MYRIP: variants seen among roughly 807,000 people sequenced by gnomAD.
The protein encoded by MYRIP is myosin VIIA and Rab interacting protein.
A neutral mutation model predicts 98.0 loss-of-function variants in MYRIP; 49 were observed. The ratio of observed to expected loss-of-function variants is 0.50; its 90% CI spans 0.40 to 0.63. MYRIP has a LOEUF of 0.63. Ranked by LOEUF, MYRIP falls within the 30% of genes least tolerant of loss-of-function variation. The pLI, the probability that MYRIP is intolerant of heterozygous loss-of-function variation, is 0.00. For missense variants in MYRIP, 1,004 were observed against 1,058.2 expected (o/e 0.95, Z 0.71); for synonymous variants, 404 against 409.5 (o/e 0.99, Z 0.16).
chr3:39,996,173 C>T (rs1009354258), intron 2 of MYRIP, among the ~76,000 whole-genome samples: 43 of 152,142 alleles, frequency 2.8e-4, no homozygotes, highest in African/African-American at 9.9e-4. Flanking sequence ...ATCAAATTGA[C>T]ACCTAACAAT....
chr3:39,988,538 T>C (rs1946093038), intron 2 of MYRIP, among the ~76,000 whole-genome samples: 1 of 152,144 alleles, frequency 6.6e-6, no homozygotes, highest in Admixed American at 6.5e-5. Context: ...CTGTATTTCC[T>C]GAATTTGAAT....
At chr3:39,989,997 G>T (rs1946134265) in intron 2 of MYRIP, among the ~76,000 whole-genome samples, 1 of 152,228 alleles carries the variant, frequency 6.6e-6, no homozygotes, top group African/African-American at 2.4e-5. Context: ...AAACGGCTTA[G>T]ACAGCAGGCA....
chr3:39,889,239 T>G (rs1943410195), intron 1 of MYRIP, among the ~76,000 whole-genome samples: 1 of 152,226 alleles, frequency 6.6e-6, no homozygotes, highest in Non-Finnish European at 1.5e-5. Context: ...CGTATGTTTA[T>G]TGTGGCATTA....
chr3:39,981,805 ACATATCAG>A (rs1945902992), intron 2 of MYRIP, among the ~76,000 whole-genome samples: 1 of 152,214 alleles, frequency 6.6e-6, no homozygotes, highest in Admixed American at 6.6e-5. Flanking sequence ...GGAGGTTAGC[ACATATCAG>A]CAGATGTTTG....
intron 3 of MYRIP, among the ~76,000 whole-genome samples, chr3:40,076,145 A>T (rs1948339210): frequency 6.6e-6 from 1 of 152,206 alleles, no homozygotes; most frequent in Non-Finnish European, 1.5e-5. Context: ...GTTGAAGTGC[A>T]ATGAGCTGTG....
intron 2 of MYRIP, among the ~76,000 whole-genome samples, chr3:40,036,978 A>G (rs1947398832): frequency 6.6e-6 from 1 of 150,716 alleles, no homozygotes; most frequent in Non-Finnish European, 1.5e-5. Flanking sequence ...GAAATGAAAC[A>G]TAAAATGCCT....
chr3:40,190,449 C>T lies in MYRIP; in HGVS notation c.1651C>T (p.Leu551=). ...TTCCCCCAGCGCCCAGCTCCGGGAT[C>T]TAGACACACATCAGGTAATGGAAGT... is the stretch of plus-strand genomic sequence containing the variant. ...PSSPSAQLRD[L]DTHQVSDDLS... is the part of the protein sequence containing the mutation. The change falls in exon 10 of 17, where the codon CTA becomes TTA. Residue 551 remains leucine (L), a synonymous_variant. Transcript: ENST00000302541. 6.3e-7 allele frequency: 1 copy of T among 1,594,632 alleles called. No homozygotes were observed. The highest frequency in any genetic ancestry group is 8.5e-7 in the Non-Finnish European group (1 of 1,170,400).
Position 39,912,371 on chromosome 3 carries a change from T to G in MYRIP, c.110+11445T>G, listed in dbSNP as rs1459224875. 2.0e-5 allele frequency among the ~76,000 whole-genome samples: 3 copies of G among 152,276 alleles called. No individual in the cohort carries two copies. In the East Asian group the frequency reaches 5.8e-4, roughly 29 times the overall value. On this transcript the variant is annotated intron_variant, in intron 2 of 16. Coordinates refer to ENST00000302541, the MANE Select transcript of MYRIP (RefSeq NM_015460.4). ...ACGAAAACAGAAGACACCAAATAATTAAGTGATAAAAAGTTACAAAAACTG... is the reference window on the plus strand; with the variant it reads ...ACGAAAACAGAAGACACCAAATAATGAAGTGATAAAAAGTTACAAAAACTG...
intron 2 of MYRIP, among the ~76,000 whole-genome samples, chr3:40,029,496 T>G (rs146796023): frequency 2.4e-4 from 36 of 152,316 alleles, no homozygotes; most frequent in African/African-American, 7.9e-4. Flanking sequence ...CTGCAAAGAT[T>G]CTGGATTGTC....
At chr3:40,258,070 T>G (rs1953655395) in intron 16 of MYRIP, 64 bp from the exon 17 acceptor site, 4 of 1,566,808 alleles carry the variant, frequency 2.6e-6, no homozygotes, top group Non-Finnish European at 2.6e-6. Context: ...AAACATTATT[T>G]TTCATTGCTT....
intron 3 of MYRIP, among the ~76,000 whole-genome samples, chr3:40,073,916 A>G (rs1318909116): frequency 4.6e-5 from 7 of 152,188 alleles, no homozygotes; most frequent in Admixed American, 2.6e-4. Context: ...CTCTACCTGT[A>G]TAGATCTGAG....
At chr3:40,013,896 A>G (rs1266067589) in intron 2 of MYRIP, among the ~76,000 whole-genome samples, 2 of 152,216 alleles carry the variant, frequency 1.3e-5, no homozygotes, top group Non-Finnish European at 2.9e-5. Flanking sequence ...TTAATTTCTC[A>G]CTTCTGTTCT....
At chr3:40,190,704 C>CCAG (rs1188428242) in intron 10 of MYRIP, among the ~76,000 whole-genome samples, 2 of 152,188 alleles carry the variant, frequency 1.3e-5, no homozygotes, top group Non-Finnish European at 2.9e-5. Flanking sequence ...GGCCCCCAGA[C>CCAG]CAGCAGCATC....
chr3:40,005,150 T>A (rs1344915281), intron 2 of MYRIP, among the ~76,000 whole-genome samples: 1 of 152,260 alleles, frequency 6.6e-6, no homozygotes, highest in Non-Finnish European at 1.5e-5. Flanking sequence ...GGTGTTTATG[T>A]ACCACATTTA....
intron 2 of MYRIP, among the ~76,000 whole-genome samples, chr3:39,965,038 TTAAG>T (rs1301785781): frequency 5.3e-5 from 8 of 152,074 alleles, no homozygotes; most frequent in South Asian, 2.1e-4. Flanking sequence ...TATACAGGCA[TTAAG>T]TAATAGTTTG....
At chr3:39,959,151 A>G (rs1232271071) in intron 2 of MYRIP, among the ~76,000 whole-genome samples, 1 of 152,200 alleles carries the variant, frequency 6.6e-6, no homozygotes, top group Non-Finnish European at 1.5e-5. Context: ...TAGAAATACC[A>G]TTTGACCCAG....
chr3:40,198,845 T>C lies in MYRIP; in HGVS notation c.1665+8382T>C, dbSNP rs116128978. ...TTCTTTATAACTAACCATCTGTAAA[T>C]ATTCATTTATTTAATAGGTGTATGC... On this transcript the variant is annotated intron_variant, in intron 10 of 16. Coordinates refer to ENST00000302541, the MANE Select transcript of MYRIP (RefSeq NM_015460.4). Among the ~76,000 whole-genome samples, 463 of 152,356 alleles carry C rather than the reference T, an allele frequency of 3.0e-3. 3 individuals are homozygous for C. Among genetic ancestry groups the C allele is most frequent in the African/African-American group, 0.01 (434 of 41,570 alleles).
In MYRIP at chr3:40,190,064, G is replaced by T; in HGVS notation, c.1266G>T (p.Gln422His). 5 of 1,613,964 alleles carry T rather than the reference G, an allele frequency of 3.1e-6. No homozygotes were observed. Among genetic ancestry groups the T allele is most frequent in the Non-Finnish European group, 4.2e-6 (5 of 1,179,940 alleles). Residue 422 changes from glutamine to histidine, a missense_variant, in exon 10 of 17, where the codon CAG becomes CAT. By Grantham distance (24) the Gln-to-His change is conservative (BLOSUM62 0). This residue lies in a region of MYRIP where 880 missense variants were observed against 907.7 expected (regional missense o/e 0.97). Transcript: ENST00000302541. ...CCCGGGCCCTGCCCAGGAACCCCCAGCCTCAGCCCACACAGGCCCAGAGCT... is the reference window on the plus strand; with the variant it reads ...CCCGGGCCCTGCCCAGGAACCCCCATCCTCAGCCCACACAGGCCCAGAGCT... ...PRSRALPRNP[Q>H]PQPTQAQSSD... is the part of the protein sequence containing the mutation.
At chr3:40,172,497 G>T (rs1950639140) in intron 8 of MYRIP, among the ~76,000 whole-genome samples, 1 of 152,130 alleles carries the variant, frequency 6.6e-6, no homozygotes, top group Admixed American at 6.5e-5. Context: ...GGGGTAAGGG[G>T]CACAGTGGCA....
Sources: gnomAD v4.1 joint callset for allele counts (sites outside exome capture counted in the v4.1 genomes callset) on GRCh38, gnomAD v4.1.1 for gene constraint, gnomAD v4.1.1 regional missense constraint, MANE v1.5 for transcripts, NCBI Gene and HGNC (gene_info 2026-07-23, HGNC 2026-07-21) for gene names.